ZMAT5: variants seen among roughly 807,000 people sequenced by gnomAD.
The protein encoded by ZMAT5 is zinc finger matrin-type protein 5.
ZMAT5 carries 23 observed loss-of-function variants against 28.0 expected under a neutral mutation model. That is an observed-to-expected ratio of 0.82 (90% CI 0.59 to 1.16). ZMAT5 has a LOEUF of 1.16. Ranked by LOEUF, ZMAT5 falls within the 50% of genes most tolerant of loss-of-function variation. The pLI is 0.00. For missense variants in ZMAT5, 173 were observed against 212.7 expected (o/e 0.81, Z 1.16); for synonymous variants, 76 against 84.1 (o/e 0.90, Z 0.52).
intron 2 of ZMAT5, chr22:29,747,871 A>C (rs1244436529): frequency 5.6e-6 from 1 of 177,114 alleles, no homozygotes; most frequent in Non-Finnish European, 1.2e-5. Flanking sequence ...ACTGCTCCCC[A>C]CGAAGCAGTC....
intron 1 of ZMAT5, among the ~76,000 whole-genome samples, chr22:29,751,194 T>C (rs931233809): frequency 3.3e-5 from 5 of 151,504 alleles, no homozygotes; most frequent in African/African-American, 9.7e-5. Flanking sequence ...ACAGGGAGGG[T>C]GGTTCTCTGG....
chr22:29,753,593 G>C (rs2068073713), intron 1 of ZMAT5, among the ~76,000 whole-genome samples: 1 of 152,120 alleles, frequency 6.6e-6, no homozygotes, highest in South Asian at 2.1e-4. Flanking sequence ...GGAGGCTGAG[G>C]CAGGACAATC....
intron 2 of ZMAT5, among the ~76,000 whole-genome samples, chr22:29,744,942 G>A (rs1242958133): frequency 6.6e-6 from 1 of 152,138 alleles, no homozygotes; most frequent in East Asian, 1.9e-4. Flanking sequence ...TGATCCTATT[G>A]GTCCTTCTTG....
At chr22:29,731,439 C>CAGG in intron 5 of ZMAT5, 85 bp from the exon 6 acceptor site, 1 of 1,486,982 alleles carries the variant, frequency 6.7e-7, no homozygotes, top group South Asian at 1.4e-5. Context: ...CCTCACCACC[C>CAGG]TGGCTGTGGG....
intron 3 of ZMAT5, among the ~76,000 whole-genome samples, chr22:29,742,139 A>G (rs1367536626): frequency 6.6e-5 from 10 of 152,194 alleles, no homozygotes; most frequent in Non-Finnish European, 2.9e-5. Flanking sequence ...TATTCCACCC[A>G]TAAGTGTCTC....
At chr22:29,756,669 G>A (rs1272124573) in intron 1 of ZMAT5, among the ~76,000 whole-genome samples, 1 of 152,192 alleles carries the variant, frequency 6.6e-6, no homozygotes, top group Non-Finnish European at 1.5e-5. Context: ...AGCACTTTGG[G>A]AGGCCAAGGT....
chr22:29,763,383 C>T (rs1444839036), intron 1 of ZMAT5, among the ~76,000 whole-genome samples: 1 of 151,888 alleles, frequency 6.6e-6, no homozygotes, highest in Non-Finnish European at 1.5e-5. Flanking sequence ...GTGGGTGGAT[C>T]ACGAGGTCAG....
chr22:29,733,436 G>A (rs2067872859), intron 5 of ZMAT5, among the ~76,000 whole-genome samples: 1 of 152,250 alleles, frequency 6.6e-6, no homozygotes, highest in African/African-American at 2.4e-5. Context: ...GCCATGCAGA[G>A]TCAAGGACTC....
intron 4 of ZMAT5, among the ~76,000 whole-genome samples, chr22:29,739,518 G>C (rs1178457437): frequency 6.6e-6 from 1 of 152,200 alleles, no homozygotes; most frequent in Non-Finnish European, 1.5e-5. Flanking sequence ...GCCTCCAAGA[G>C]GTTAAGCCAC....
intron 5 of ZMAT5, among the ~76,000 whole-genome samples, chr22:29,732,080 G>C (rs1271168808): frequency 6.6e-6 from 1 of 152,220 alleles, no homozygotes; most frequent in African/African-American, 2.4e-5. Flanking sequence ...TCCGTGCCCA[G>C]CCCGGGGCAC....
intron 1 of ZMAT5, among the ~76,000 whole-genome samples, chr22:29,749,693 T>A (rs898424958): frequency 3.3e-5 from 5 of 152,156 alleles, no homozygotes; most frequent in African/African-American, 1.2e-4. Context: ...CGAATTGTAA[T>A]CCCCATAATC....
chr22:29,746,669 T>A (rs1054998398), intron 2 of ZMAT5: 15 of 152,150 alleles, frequency 9.9e-5, no homozygotes. Flanking sequence ...TTCTAAGGAC[T>A]GAATGTGTTG....
chr22:29,734,053 G>A (rs1213489448), intron 5 of ZMAT5, among the ~76,000 whole-genome samples: 1 of 152,364 alleles, frequency 6.6e-6, no homozygotes, highest in Non-Finnish European at 1.5e-5. Flanking sequence ...AGTCGAGGAG[G>A]AGGATGGGCC....
At chr22:29,763,165 T>C (rs1311774655) in intron 1 of ZMAT5, among the ~76,000 whole-genome samples, 1 of 151,780 alleles carries the variant, frequency 6.6e-6, no homozygotes, top group African/African-American at 2.4e-5. Flanking sequence ...TGGTGGCAGG[T>C]GCCTGTAATC....
Position 29,765,159 on chromosome 22 carries a change from C to T in ZMAT5, c.-28+1713G>A, listed in dbSNP as rs140619066. Reference sequence around the variant, plus strand: ...GTCAGCTGGACGCGGTGGCTCACACCTGTAATCCCGGCACTTTGGGAGACC... The same window carrying T: ...GTCAGCTGGACGCGGTGGCTCACACTTGTAATCCCGGCACTTTGGGAGACC... On this transcript the variant is annotated intron_variant, in intron 1 of 5. Transcript: ENST00000344318. Among the ~76,000 whole-genome samples the T allele has an allele frequency of 9.7e-3, 1,482 of 152,162 alleles. 21 individuals are homozygous for T. The highest frequency in any genetic ancestry group is 0.034 in the African/African-American group (1,394 of 41,492).
At chr22:29,732,512 T>C (rs1240219316) in intron 5 of ZMAT5, among the ~76,000 whole-genome samples, 1 of 151,750 alleles carries the variant, frequency 6.6e-6, no homozygotes, top group Admixed American at 6.6e-5. Flanking sequence ...CCAAGGCGGG[T>C]GGATCACGAG....
In ZMAT5 at chr22:29,759,599, T is replaced by TA. The variant is rs200266856; in HGVS notation, c.-28+7272dup. ...GGGCAACATAGTGAGACCCCGTCTC[T>TA]AAAAAAAAATTTTTTTTTTAATTAG... On this transcript the variant is annotated intron_variant, in intron 1 of 5. Coordinates refer to ENST00000344318, the MANE Select transcript of ZMAT5 (RefSeq NM_001003692.2). Among the ~76,000 whole-genome samples the TA allele has an allele frequency of 2.8e-3, 427 of 151,596 alleles. 2 individuals are homozygous for TA. The highest frequency in any genetic ancestry group is 9.7e-3 in the African/African-American group (399 of 41,310).
chr22:29,731,287 G>C lies in ZMAT5; in HGVS notation c.451C>G (p.Pro151Ala). ...VGWPPVQELP[P>A]SLRAPPPGGW... Reference sequence around the variant, plus strand: ...CCAGGTGGGGGTGCCCGCAGGGATGGAGGCAGCTCCTGAACTGGTGGCCAG... The same window carrying C: ...CCAGGTGGGGGTGCCCGCAGGGATGCAGGCAGCTCCTGAACTGGTGGCCAG... Residue 151 changes from proline (P) to alanine (A), a missense_variant, in exon 6 of 6, where the codon CCA (proline) becomes GCA (alanine). Pro to Ala is a conservative substitution (Grantham distance 27). Coordinates refer to ENST00000344318, the MANE Select transcript of ZMAT5 (RefSeq NM_001003692.2). 6.6e-7 allele frequency: 1 copy of C among 1,524,860 alleles called. No homozygotes were observed. The highest frequency in any genetic ancestry group is 8.7e-7 in the Non-Finnish European group (1 of 1,148,740). The allele number at this position is 1,524,860 out of a possible 1,614,324, so 94.5% of individuals were successfully genotyped here.
intron 4 of ZMAT5, among the ~76,000 whole-genome samples, chr22:29,738,804 A>G (rs140117): frequency 0.53 from 80,631 of 151,752 alleles, 21,778 homozygotes; most frequent in East Asian, 0.62. Flanking sequence ...AGGAGTTTGA[A>G]ACCAGCCTGG....
Sources: gnomAD v4.1 joint callset for allele counts (sites outside exome capture counted in the v4.1 genomes callset) on GRCh38, gnomAD v4.1.1 for gene constraint, MANE v1.5 for transcripts, NCBI Gene and HGNC (gene_info 2026-07-23, HGNC 2026-07-21) for gene names.